Variants in GLDC observed in about 807,000 individuals in gnomAD.
The protein encoded by GLDC is glycine decarboxylase.
Under a neutral mutation model 121.3 loss-of-function variants are expected in GLDC, and 104 were observed. The ratio of observed to expected loss-of-function variants is 0.86; its 90% CI spans 0.73 to 1.01. The LOEUF (loss-of-function observed/expected upper bound fraction) is 1.01. GLDC is among the 50% of genes least tolerant of loss of function. The pLI is 0.00. For synonymous variants in GLDC, 546 were observed against 480.6 expected, an observed-to-expected ratio of 1.14 and a Z score of -1.78; for missense variants, 1,429 against 1,306.6, an observed-to-expected ratio of 1.09 and a Z score of -1.44.
chr9:6,607,475 G>C (rs541094177), intron 4 of GLDC, among the ~76,000 whole-genome samples: 1 of 151,718 alleles, frequency 6.6e-6, no homozygotes, highest in Admixed American at 6.6e-5. Context: ...CCCACTACTC[G>C]GGAGGATGAG....
At chr9:6,574,798 C>G (rs899773242) in intron 15 of GLDC, among the ~76,000 whole-genome samples, 5 of 152,058 alleles carry the variant, frequency 3.3e-5, no homozygotes, top group Non-Finnish European at 2.9e-5. Context: ...GTTTCTGAAG[C>G]TGCACTAGGC....
chr9:6,538,319 G>A lies in GLDC; in HGVS notation c.2665+1732C>T, dbSNP rs552972802. 3.9e-5 allele frequency among the ~76,000 whole-genome samples: 6 copies of A among 152,276 alleles called. No homozygotes were observed. In the South Asian group the frequency reaches 1.0e-3, roughly 26 times the overall value. On this transcript the variant is annotated intron_variant, in intron 22 of 24. Coordinates refer to ENST00000321612, the MANE Select transcript of GLDC (RefSeq NM_000170.3). ...CAAAAATCTATGAGTCATAAAACAT[G>A]CCAGGTGATTCTGATAATTGGTCTG...
chr9:6,559,922 T>C (rs1432047899), intron 16 of GLDC, among the ~76,000 whole-genome samples: 8 of 152,260 alleles, frequency 5.3e-5, no homozygotes, highest in African/African-American at 1.9e-4. Flanking sequence ...AGTCCAGAGA[T>C]GCAGCAGAAA....
intron 11 of GLDC, chr9:6,591,896 G>C (rs1275596203): frequency 2.4e-6 from 1 of 410,792 alleles, no homozygotes; most frequent in African/African-American, 2.1e-5. Flanking sequence ...CAGCCTAGAG[G>C]CACTTTCAAT....
At chr9:6,625,650 C>T (rs1819219631) in intron 2 of GLDC, among the ~76,000 whole-genome samples, 1 of 152,158 alleles carries the variant, frequency 6.6e-6, no homozygotes, top group Non-Finnish European at 1.5e-5. Context: ...ATCTAGCTCC[C>T]GCTGCATATA....
At chr9:6,620,069 G>A (rs1250766553) in intron 3 of GLDC, 115 bp downstream of exon 3, 3 of 978,822 alleles carry the variant, frequency 3.1e-6, no homozygotes, top group South Asian at 1.3e-5. Context: ...ATTGGAGACA[G>A]CACTAGGAGG....
intron 2 of GLDC, among the ~76,000 whole-genome samples, chr9:6,636,744 C>T (rs559374022): frequency 2.6e-5 from 4 of 152,064 alleles, no homozygotes; most frequent in Non-Finnish European, 5.9e-5. Flanking sequence ...CACTGCACTC[C>T]AGCCTGGGCA....
intron 15 of GLDC, among the ~76,000 whole-genome samples, chr9:6,567,977 TATGA>T (rs1315996042): frequency 6.6e-6 from 1 of 152,348 alleles, no homozygotes; most frequent in African/African-American, 2.4e-5. Flanking sequence ...AGGCAATCAA[TATGA>T]ATGTCATCCT....
chr9:6,621,511 C>A (rs1249530011), intron 2 of GLDC, among the ~76,000 whole-genome samples: 1 of 152,042 alleles, frequency 6.6e-6, no homozygotes, highest in Non-Finnish European at 1.5e-5. Context: ...AGCTCTTATA[C>A]TGAAGGGTCC....
chr9:6,577,810 TATTG>T (rs149545322), intron 15 of GLDC, among the ~76,000 whole-genome samples: 7,881 of 151,866 alleles, frequency 0.052, 421 homozygotes, highest in African/African-American at 0.14. Context: ...ATCTCTACGT[TATTG>T]ATTTTTTTTT....
chr9:6,565,394 A>G lies in GLDC; in HGVS notation c.1886T>C (p.Ile629Thr). 1.2e-6 allele frequency: 2 copies of G among 1,613,896 alleles called. No individual in the cohort carries two copies. Among genetic ancestry groups the G allele is most frequent in the Non-Finnish European group, 1.7e-6 (2 of 1,179,804 alleles). ...TCCTTTCTGGTTTAAGTAGGCTCGG[A>G]TAGTGGCCAGTCCAGCATATTCTCC... ...AQGEYAGLATIRAYLNQKGEG... is the reference protein window; with the variant it reads ...AQGEYAGLATTRAYLNQKGEG... The change falls in exon 16 of 25, where the codon ATC becomes ACC. Residue 629 changes from isoleucine (I) to threonine (T), a missense_variant. By Grantham distance (89) the Ile-to-Thr change is moderately conservative (BLOSUM62 -1). Coordinates refer to ENST00000321612, the MANE Select transcript of GLDC (RefSeq NM_000170.3).
chr9:6,645,079 C>T (rs1819713602), intron 1 of GLDC, among the ~76,000 whole-genome samples, 166 bp downstream of exon 1: 1 of 152,216 alleles, frequency 6.6e-6, no homozygotes, highest in Admixed American at 6.5e-5. Flanking sequence ...AGTAAGAAGG[C>T]ACGAGGACCA....
At chr9:6,560,177 A>C (rs1190856345) in intron 16 of GLDC, among the ~76,000 whole-genome samples, 1 of 152,232 alleles carries the variant, frequency 6.6e-6, no homozygotes, top group Non-Finnish European at 1.5e-5. Context: ...CCCAACAAAA[A>C]GCATCAAGGA....
intron 24 of GLDC, among the ~76,000 whole-genome samples, chr9:6,533,768 G>T (rs1308522334): frequency 1.3e-5 from 2 of 151,230 alleles, no homozygotes; most frequent in Admixed American, 1.3e-4. Context: ...TAAGGTAGGA[G>T]AATCGCTTTA....
Position 6,535,057 on chromosome 9 carries a change from C to T in GLDC, c.2839-269G>A, listed in dbSNP as rs2282158. Among the ~76,000 whole-genome samples the T allele has an allele frequency of 0.15, 22,649 of 152,122 alleles. 2,012 individuals carry two copies. The highest frequency in any genetic ancestry group is 0.29 in the East Asian group (1,499 of 5,170). ...CATCTTTTAGAAAAAATTACCTACACGTTTGGTGCTGCCTGTATATCCCCA... is the reference window on the plus strand; with the variant it reads ...CATCTTTTAGAAAAAATTACCTACATGTTTGGTGCTGCCTGTATATCCCCA... On this transcript the variant is annotated intron_variant, in intron 23 of 24. Coordinates refer to ENST00000321612, the MANE Select transcript of GLDC (RefSeq NM_000170.3).
chr9:6,637,658 G>A (rs934373859), intron 2 of GLDC, among the ~76,000 whole-genome samples: 11 of 151,952 alleles, frequency 7.2e-5, no homozygotes, highest in Non-Finnish European at 1.6e-4. Flanking sequence ...GTAGAGACAG[G>A]GTTTTGCCAC....
At chr9:6,605,308 T>C (rs941487774) in intron 5 of GLDC, 30 bp from the exon 6 acceptor site, 7 of 1,611,340 alleles carry the variant, frequency 4.3e-6, no homozygotes, top group Non-Finnish European at 5.9e-6. Flanking sequence ...AGAACAATCG[T>C]GCTTTCGGTT....
intron 21 of GLDC, chr9:6,541,758 T>A (rs531142203): frequency 2.2e-5 from 3 of 133,716 alleles, no homozygotes; most frequent in Non-Finnish European, 4.6e-5. Flanking sequence ...ACCTGGAAGG[T>A]GGTGGTTGCA....
intron 2 of GLDC, chr9:6,639,186 G>A (rs970278705): frequency 1.2e-5 from 10 of 831,570 alleles, no homozygotes; most frequent in Non-Finnish European, 1.9e-5. Flanking sequence ...TCCTAAAGCC[G>A]AAGCCAAAGA....
Sources: allele counts gnomAD v4.1 joint callset (sites outside exome capture counted in the v4.1 genomes callset), GRCh38; gene constraint gnomAD v4.1.1; transcripts MANE v1.5; gene names NCBI Gene and HGNC (gene_info 2026-07-23, HGNC 2026-07-21).